AGBL4: variants seen among roughly 807,000 people sequenced by gnomAD.
AGBL4 encodes the protein AGBL carboxypeptidase 4.
A neutral mutation model predicts 66.4 loss-of-function variants in AGBL4; 58 were observed. The observed-to-expected ratio is 0.87, with a 90% CI of 0.71 to 1.09. The LOEUF is 1.09. Among genes scored for constraint, AGBL4 ranks in the 50% least tolerant of loss-of-function variants. The probability of loss-of-function intolerance (pLI) is 0.00; values close to 1 mark genes in which losing one functional copy is unlikely to be tolerated. For missense variants in AGBL4, 579 were observed against 631.0 expected (o/e 0.92, Z 0.88); for synonymous variants, 234 against 222.9 (o/e 1.05, Z -0.44).
intron 3 of AGBL4, among the ~76,000 whole-genome samples, chr1:49,435,159 C>T (rs570260717): frequency 1.8e-4 from 27 of 152,228 alleles, no homozygotes; most frequent in African/African-American, 6.3e-4. Context: ...TTTATTTGAG[C>T]ATTCATTTAC....
At chr1:49,971,885 T>C (rs1427770933) in intron 1 of AGBL4, among the ~76,000 whole-genome samples, 3 of 137,096 alleles carry the variant, frequency 2.2e-5, no homozygotes, top group African/African-American at 2.6e-5. Context: ...TATATTTAAG[T>C]ACAAGTGCAG....
intron 4 of AGBL4, among the ~76,000 whole-genome samples, chr1:49,089,116 A>T (rs1644957405): frequency 6.6e-6 from 1 of 151,792 alleles, no homozygotes; most frequent in African/African-American, 2.4e-5. Context: ...TTAAGAGAGA[A>T]GTTTATAGCA....
At chr1:49,174,622 T>G (rs1183510334) in intron 4 of AGBL4, among the ~76,000 whole-genome samples, 1 of 152,140 alleles carries the variant, frequency 6.6e-6, no homozygotes, top group Non-Finnish European at 1.5e-5. Context: ...CTCCTCCATG[T>G]TGTTCAATCT....
At chr1:49,343,529 C>G (rs974415613) in intron 3 of AGBL4, among the ~76,000 whole-genome samples, 2 of 152,158 alleles carry the variant, frequency 1.3e-5, no homozygotes, top group African/African-American at 4.8e-5. Context: ...ACTCCCCCAC[C>G]ACCAGAGGTA....
chr1:49,816,843 G>A (rs1239575227), intron 2 of AGBL4, among the ~76,000 whole-genome samples: 1 of 152,156 alleles, frequency 6.6e-6, no homozygotes, highest in East Asian at 1.9e-4. Flanking sequence ...GAGGCAGACT[G>A]GGATAGAAGT....
chr1:49,713,782 C>A (rs1647857276), intron 2 of AGBL4, among the ~76,000 whole-genome samples: 1 of 151,866 alleles, frequency 6.6e-6, no homozygotes, highest in Non-Finnish European at 1.5e-5. Context: ...TGTAAAATTT[C>A]TGCTTAGAAA....
intron 6 of AGBL4, among the ~76,000 whole-genome samples, chr1:48,754,634 G>A (rs1445631262): frequency 2.6e-5 from 4 of 152,054 alleles, no homozygotes; most frequent in African/African-American, 7.2e-5. Context: ...GGGGTCACGG[G>A]GCAAAAGTTT....
intron 1 of AGBL4, among the ~76,000 whole-genome samples, chr1:49,879,395 T>G (rs962650911): frequency 1.1e-3 from 162 of 148,848 alleles, no homozygotes; most frequent in Middle Eastern, 7.0e-3. Flanking sequence ...GTCTGTAAAG[T>G]ATTTTATTTC....
At chr1:48,801,348 C>A (rs1294848921) in intron 6 of AGBL4, among the ~76,000 whole-genome samples, 1 of 152,182 alleles carries the variant, frequency 6.6e-6, no homozygotes, top group East Asian at 1.9e-4. Context: ...TTCCCATTTA[C>A]CTCTTGGGTT....
chr1:49,273,479 A>G (rs1644104038), intron 3 of AGBL4, among the ~76,000 whole-genome samples: 1 of 150,546 alleles, frequency 6.6e-6, no homozygotes, highest in Non-Finnish European at 1.5e-5. Flanking sequence ...AAAAAATTTA[A>G]AAATTATAAG....
intron 3 of AGBL4, among the ~76,000 whole-genome samples, chr1:49,398,609 T>C (rs1557903194): frequency 6.6e-6 from 1 of 152,198 alleles, no homozygotes; most frequent in Non-Finnish European, 1.5e-5. Flanking sequence ...AGGAGAACAC[T>C]GACCAACACA....
intron 3 of AGBL4, among the ~76,000 whole-genome samples, chr1:49,488,320 T>C (rs921907870): frequency 6.6e-6 from 1 of 151,614 alleles, no homozygotes; most frequent in Non-Finnish European, 1.5e-5. Flanking sequence ...ATGACTTTTG[T>C]ATATTAATCT....
At chr1:49,325,639 C>A (rs552645425) in intron 3 of AGBL4, among the ~76,000 whole-genome samples, 1 of 152,198 alleles carries the variant, frequency 6.6e-6, no homozygotes, top group African/African-American at 2.4e-5. Context: ...ATGTTGAAAG[C>A]AAAATAAATA....
chr1:49,029,310 C>G (rs1171560758), intron 5 of AGBL4, among the ~76,000 whole-genome samples: 1 of 151,970 alleles, frequency 6.6e-6, no homozygotes, highest in Non-Finnish European at 1.5e-5. Context: ...GTGTTTTAAT[C>G]TTAAGGAATC....
chr1:48,850,765 C>T (rs1647015663), intron 6 of AGBL4, among the ~76,000 whole-genome samples: 1 of 152,172 alleles, frequency 6.6e-6, no homozygotes, highest in Non-Finnish European at 1.5e-5. Context: ...GATCTGCCCG[C>T]CTCAGCCTCC....
intron 2 of AGBL4, among the ~76,000 whole-genome samples, chr1:49,817,737 T>C (rs17105779): frequency 0.049 from 7,465 of 152,230 alleles, 562 homozygotes; most frequent in African/African-American, 0.16. Flanking sequence ...TTTAGATATG[T>C]AAAAGGCTAA....
intron 1 of AGBL4, among the ~76,000 whole-genome samples, chr1:49,935,530 C>T (rs1186099017): frequency 1.3e-5 from 2 of 152,194 alleles, no homozygotes; most frequent in Non-Finnish European, 2.9e-5. Context: ...CAGACTACCT[C>T]CTCAAGTGGG....
chr1:49,913,371 G>A (rs1457859801), intron 1 of AGBL4, among the ~76,000 whole-genome samples: 1 of 152,234 alleles, frequency 6.6e-6, no homozygotes, highest in Non-Finnish European at 1.5e-5. Flanking sequence ...ACTCAACAGG[G>A]CAAACAACAT....
rs551041455 is a variant in AGBL4 at position 49,074,195 on chromosome 1, G to C, written c.378-28395C>G. On this transcript the variant is annotated intron_variant, in intron 4 of 13. Transcript: ENST00000371839. The stretch of plus-strand genomic sequence containing the variant: ...GGGCTCTGTGGGCATGGGACCTGCT[G>C]AGCCAGGCACCGGAGGGAATCTCCT... Among the ~76,000 whole-genome samples, 12 of 152,320 alleles carry C rather than the reference G, an allele frequency of 7.9e-5. No individual in the cohort carries two copies. The East Asian group carries it at 2.1e-3, about 27-fold the overall frequency.
Sources: allele counts gnomAD v4.1 joint callset (sites outside exome capture counted in the v4.1 genomes callset), GRCh38; gene constraint gnomAD v4.1.1; transcripts MANE v1.5; gene names NCBI Gene and HGNC (gene_info 2026-07-23, HGNC 2026-07-21).